SORBS2: variants seen among roughly 807,000 people sequenced by gnomAD.
SORBS2 encodes the protein sorbin and SH3 domain-containing protein 2.
Under a neutral mutation model 97.7 loss-of-function variants are expected in SORBS2, and 46 were observed. The observed-to-expected ratio is 0.47, with a 90% confidence interval of 0.37 to 0.60. The LOEUF (loss-of-function observed/expected upper bound fraction) is 0.60. Ranked by LOEUF, SORBS2 falls within the 20% of genes least tolerant of loss-of-function variation. SORBS2 has a pLI of 0.00. For missense variants in SORBS2, 1,316 were observed against 1,282.3 expected (o/e 1.03, Z -0.40); for synonymous variants, 476 against 473.4 (o/e 1.01, Z -0.07).
chr4:185,766,671 A>T (rs112441966), intron 2 of SORBS2, among the ~76,000 whole-genome samples: 3 of 152,312 alleles, frequency 2.0e-5, no homozygotes, highest in African/African-American at 7.2e-5. Flanking sequence ...CCTGGATACC[A>T]CCTGGAGCTA....
At chr4:185,599,877 G>A (rs1476082197) in intron 12 of SORBS2, among the ~76,000 whole-genome samples, 1 of 148,846 alleles carries the variant, frequency 6.7e-6, no homozygotes, top group Non-Finnish European at 1.5e-5. Context: ...GACAACTAAG[G>A]AAGAGCCAGC....
At chr4:185,702,309 C>A (rs564569891) in intron 2 of SORBS2, among the ~76,000 whole-genome samples, 2 of 152,068 alleles carry the variant, frequency 1.3e-5, no homozygotes, top group African/African-American at 4.8e-5. Flanking sequence ...AGGGAGCCGG[C>A]GTGCAGAGAT....
rs201463972 is a variant in SORBS2, at chr4:185,896,725, G to C, written c.-338+59471C>G. Among the ~76,000 whole-genome samples the C allele has an allele frequency of 1.2e-4, 18 of 152,126 alleles. No individual in the cohort carries two copies. In the East Asian group the frequency reaches 3.5e-3, roughly 29 times the overall value. ...GGATGATTGGCAGGGGGTGCTCTGT[G>C]GCCCCTGGTGTGTGCCCCTAACAAA... On this transcript the variant is annotated intron_variant, in intron 1 of 20. Transcript: ENST00000284776.
At chr4:185,634,124 T>C (rs1208898026) in intron 4 of SORBS2, among the ~76,000 whole-genome samples, 1 of 152,246 alleles carries the variant, frequency 6.6e-6, no homozygotes, top group Non-Finnish European at 1.5e-5. Flanking sequence ...ATTTTACCTT[T>C]TATTTAATAT....
intron 1 of SORBS2, among the ~76,000 whole-genome samples, chr4:185,883,190 A>C (rs1250424087): frequency 1.3e-5 from 2 of 152,224 alleles, no homozygotes; most frequent in Admixed American, 1.3e-4. Context: ...CATAAAAAGA[A>C]CTTTTAAATG....
intron 1 of SORBS2, among the ~76,000 whole-genome samples, chr4:185,954,028 T>C (rs1281858811): frequency 1.3e-5 from 2 of 152,264 alleles, no homozygotes; most frequent in African/African-American, 2.4e-5. Flanking sequence ...GAATGTTTTA[T>C]TGATGCTAAC....
chr4:185,829,595 G>A (rs1373816813), intron 1 of SORBS2, among the ~76,000 whole-genome samples: 1 of 152,124 alleles, frequency 6.6e-6, no homozygotes, highest in Non-Finnish European at 1.5e-5. Context: ...CAAACCAAGA[G>A]ATGACATTAA....
chr4:185,828,874 T>G (rs1257173610), intron 1 of SORBS2, among the ~76,000 whole-genome samples: 1 of 152,144 alleles, frequency 6.6e-6, no homozygotes, highest in Non-Finnish European at 1.5e-5. Flanking sequence ...CAACTACAGT[T>G]TCAAGCATCC....
At chr4:185,839,647 C>A (rs1375485821) in intron 1 of SORBS2, among the ~76,000 whole-genome samples, 2 of 152,228 alleles carry the variant, frequency 1.3e-5, no homozygotes, top group East Asian at 3.9e-4. Context: ...AGTTGTTTTT[C>A]GATGGGACTG....
chr4:185,901,503 C>T (rs1030243791), intron 1 of SORBS2, among the ~76,000 whole-genome samples: 1 of 151,826 alleles, frequency 6.6e-6, no homozygotes, highest in Non-Finnish European at 1.5e-5. Context: ...CACGCCTGGC[C>T]GAAGAGGAAA....
chr4:185,824,897 C>T (rs1405375867), intron 1 of SORBS2, among the ~76,000 whole-genome samples: 1 of 152,104 alleles, frequency 6.6e-6, no homozygotes, highest in Non-Finnish European at 1.5e-5. Context: ...GCATCCTGGC[C>T]CCACACGGGT....
intron 1 of SORBS2, among the ~76,000 whole-genome samples, chr4:185,937,934 T>G (rs1021286124): frequency 6.6e-6 from 1 of 151,924 alleles, no homozygotes; most frequent in Non-Finnish European, 1.5e-5. Context: ...TCTTTGGAAA[T>G]AGCAGCTCAC....
intron 1 of SORBS2, among the ~76,000 whole-genome samples, chr4:185,931,796 G>A (rs2099266555): frequency 1.8e-5 from 2 of 113,684 alleles, no homozygotes; most frequent in Non-Finnish European, 3.7e-5. Flanking sequence ...AAAGACAGGA[G>A]AGGCAGAGAC....
At chr4:185,734,330 T>G (rs1229870941) in intron 2 of SORBS2, among the ~76,000 whole-genome samples, 176 bp from the exon 3 acceptor site, 1 of 152,188 alleles carries the variant, frequency 6.6e-6, no homozygotes, top group Non-Finnish European at 1.5e-5. Context: ...GGAAACTGGG[T>G]GGATACTTAC....
intron 1 of SORBS2, among the ~76,000 whole-genome samples, chr4:185,922,503 C>T (rs1483412169): frequency 6.6e-6 from 1 of 152,160 alleles, no homozygotes; most frequent in Non-Finnish European, 1.5e-5. Context: ...GAAATGAATC[C>T]TATTTCAGGA....
At chr4:185,691,091 G>A (rs1582828977) in intron 2 of SORBS2, among the ~76,000 whole-genome samples, 1 of 152,008 alleles carries the variant, frequency 6.6e-6, no homozygotes, top group Admixed American at 6.6e-5. Context: ...TAATAGAGAC[G>A]GGGTTTCACT....
intron 1 of SORBS2, among the ~76,000 whole-genome samples, chr4:185,934,306 G>A (rs1441295128): frequency 6.6e-6 from 1 of 152,098 alleles, no homozygotes; most frequent in Non-Finnish European, 1.5e-5. Flanking sequence ...AGCCCTTCAG[G>A]ATAAAACATG....
chr4:185,827,219 TCACCATCATCATCATCACCATCAC>T (rs2099200934), intron 1 of SORBS2, among the ~76,000 whole-genome samples: 2 of 141,764 alleles, frequency 1.4e-5, no homozygotes, highest in African/African-American at 2.7e-5. Flanking sequence ...ATCACCATCA[TCACCATCATCATCATCACCATCAC>T]CACCATCATC....
At chr4:185,923,621 T>A (rs1048282380) in intron 1 of SORBS2, among the ~76,000 whole-genome samples, 1 of 151,954 alleles carries the variant, frequency 6.6e-6, no homozygotes, top group African/African-American at 2.4e-5. Flanking sequence ...GACCTTTGTA[T>A]ACCAAATTTG....
Sources: allele counts gnomAD v4.1 joint callset (sites outside exome capture counted in the v4.1 genomes callset), GRCh38; gene constraint gnomAD v4.1.1; transcripts MANE v1.5; gene names NCBI Gene and HGNC (gene_info 2026-07-23, HGNC 2026-07-21).